The following TRHDE variants were observed in gnomAD, a reference collection of about 807,000 sequenced individuals.
The protein encoded by TRHDE is thyrotropin-releasing hormone-degrading ectoenzyme.
Under a neutral mutation model 125.7 loss-of-function variants are expected in TRHDE, and 72 were observed. The observed-to-expected ratio is 0.57, with a 90% CI of 0.47 to 0.70. The LOEUF is 0.70. Ranked by LOEUF, TRHDE falls within the 30% of genes least tolerant of loss-of-function variation. The pLI is 0.00. For synonymous variants in TRHDE, 509 were observed against 509.1 expected (o/e 1.00, Z 0.00); for missense variants, 1,110 against 1,327.1 (o/e 0.84, Z 2.54).
At chr12:72,518,939 A>C (rs1451100138) in intron 6 of TRHDE, among the ~76,000 whole-genome samples, 1 of 152,054 alleles carries the variant, frequency 6.6e-6, no homozygotes, top group Non-Finnish European at 1.5e-5. Flanking sequence ...TTCTGGGTTG[A>C]AAATTCTTTT....
intron 2 of TRHDE, among the ~76,000 whole-genome samples, chr12:72,178,133 G>A (rs562515499): frequency 6.6e-6 from 1 of 152,202 alleles, no homozygotes; most frequent in East Asian, 1.9e-4. Context: ...TGATTCAGAA[G>A]CTTTTTTGAT....
At chr12:72,659,080 G>A (rs866184987) in intron 18 of TRHDE, among the ~76,000 whole-genome samples, 1 of 152,126 alleles carries the variant, frequency 6.6e-6, no homozygotes, top group Non-Finnish European at 1.5e-5. Context: ...ATTTCCAAGG[G>A]TTTATAGATC....
At chr12:72,104,636 G>C (rs1875141508) in intron 1 of TRHDE, among the ~76,000 whole-genome samples, 1 of 152,176 alleles carries the variant, frequency 6.6e-6, no homozygotes, top group Non-Finnish European at 1.5e-5. Context: ...CTCTTCATTG[G>C]TATATGGATA....
chr12:72,430,072 G>A (rs1158725275), intron 3 of TRHDE, among the ~76,000 whole-genome samples: 1 of 151,112 alleles, frequency 6.6e-6, no homozygotes, highest in Admixed American at 6.6e-5. Context: ...TATCTAAAAA[G>A]GTTTTGCCTA....
intron 2 of TRHDE, among the ~76,000 whole-genome samples, chr12:72,374,629 T>C (rs1034070717): frequency 9.9e-5 from 15 of 152,020 alleles, no homozygotes; most frequent in Non-Finnish European, 1.6e-4. Flanking sequence ...GGCAGTGAGA[T>C]AGATAGAAAA....
intron 15 of TRHDE, among the ~76,000 whole-genome samples, chr12:72,648,730 T>G (rs1874382951): frequency 1.3e-5 from 2 of 151,972 alleles, no homozygotes; most frequent in Non-Finnish European, 2.9e-5. Context: ...GAGGATCACT[T>G]GAGGCCAAGA....
chr12:72,441,782 A>T (rs1163618184), intron 3 of TRHDE, among the ~76,000 whole-genome samples: 3 of 151,900 alleles, frequency 2.0e-5, no homozygotes, highest in African/African-American at 7.2e-5. Context: ...GATAAACAAG[A>T]TAATAAAGCA....
chr12:72,268,036 C>T (rs1485255787), upstream of TRHDE, among the ~76,000 whole-genome samples: 1 of 152,236 alleles, frequency 6.6e-6, no homozygotes, highest in East Asian at 1.9e-4. Context: ...ATAAACTTTG[C>T]AGTAATGTTA....
chr12:72,639,354 A>G (rs1462558679), intron 15 of TRHDE, among the ~76,000 whole-genome samples: 29 of 147,076 alleles, frequency 2.0e-4, no homozygotes, highest in Admixed American at 4.0e-4. Context: ...TTTCAGCTCC[A>G]TCAGCTCCTT....
intron 2 of TRHDE, among the ~76,000 whole-genome samples, chr12:72,293,226 T>G (rs4360737): frequency 0.67 from 100,960 of 151,666 alleles, 33,884 homozygotes; most frequent in East Asian, 0.83. Context: ...ATATTTGAGT[T>G]TTTTGTAGAT....
intron 12 of TRHDE, among the ~76,000 whole-genome samples, chr12:72,603,639 G>T (rs1385862831): frequency 6.6e-6 from 1 of 152,030 alleles, no homozygotes; most frequent in Non-Finnish European, 1.5e-5. Flanking sequence ...GCAGGAGAAC[G>T]GCGAGAAACG....
chr12:72,091,800 T>C (rs2139282754), intron 1 of TRHDE, among the ~76,000 whole-genome samples: 1 of 152,324 alleles, frequency 6.6e-6, no homozygotes, highest in Middle Eastern at 3.4e-3. Flanking sequence ...TAGGCACATA[T>C]GAAGCCTATT....
chr12:72,384,088 G>A (rs1328455148), intron 3 of TRHDE, among the ~76,000 whole-genome samples: 1 of 151,974 alleles, frequency 6.6e-6, no homozygotes, highest in Non-Finnish European at 1.5e-5. Flanking sequence ...TTTTAATTTA[G>A]GTGCACTATA....
At chr12:72,165,595 T>C (rs1458566149) in intron 2 of TRHDE, among the ~76,000 whole-genome samples, 2 of 152,138 alleles carry the variant, frequency 1.3e-5, no homozygotes, top group Non-Finnish European at 2.9e-5. Flanking sequence ...AGAATTTATA[T>C]ATACATGTAT....
At chr12:72,493,943 G>A (rs1877795164) in intron 5 of TRHDE, among the ~76,000 whole-genome samples, 1 of 151,972 alleles carries the variant, frequency 6.6e-6, no homozygotes, top group East Asian at 1.9e-4. Context: ...ATTTTTACAT[G>A]TAGCAAGTTG....
Position 72,473,153 on chromosome 12 carries a change from A to G in TRHDE, c.1557A>G (p.Thr519=). ...CTCACTACTTTGAATTTGTTGGTACAGACTACCTCTATCCTGGCTGGAACA... is the reference window on the plus strand; with the variant it reads ...CTCACTACTTTGAATTTGTTGGTACGGACTACCTCTATCCTGGCTGGAACA... The part of the protein sequence containing the change: ...GFAHYFEFVG[T]DYLYPGWNME... The change falls in exon 5 of 19, where the codon ACA becomes ACG. Residue 519 remains threonine (T), a synonymous_variant. Coordinates refer to ENST00000261180, the MANE Select transcript of TRHDE (RefSeq NM_013381.3). 3 of 1,613,958 alleles carry G rather than the reference A, an allele frequency of 1.9e-6. No homozygotes were observed. Among genetic ancestry groups the G allele is most frequent in the South Asian group, 2.2e-5 (2 of 91,072 alleles).
intron 6 of TRHDE, among the ~76,000 whole-genome samples, chr12:72,534,867 C>T (rs948927559): frequency 2.6e-5 from 4 of 151,824 alleles, no homozygotes; most frequent in African/African-American, 9.7e-5. Flanking sequence ...ATGATTAAAA[C>T]ATAAGTGTGT....
rs540944155 is a variant in TRHDE at position 72,640,428 on chromosome 12, C to T, written c.2676-11894C>T. ...CTGGCACTTCCTAGTGAGATGAACC[C>T]GGTACCTCAGATGGAAATGCAGAAA... is the stretch of plus-strand genomic sequence containing the variant. On this transcript the variant is annotated intron_variant, in intron 15 of 18. Coordinates refer to ENST00000261180, the MANE Select transcript of TRHDE (RefSeq NM_013381.3). Among the ~76,000 whole-genome samples the T allele has an allele frequency of 2.7e-3, 418 of 152,314 alleles. 2 individuals are homozygous for T. The highest frequency in any genetic ancestry group is 9.1e-3 in the African/African-American group (377 of 41,586).
At chr12:72,311,681 T>G (rs1868549045) in intron 2 of TRHDE, among the ~76,000 whole-genome samples, 1 of 152,200 alleles carries the variant, frequency 6.6e-6, no homozygotes. Context: ...TTAATCCTGT[T>G]TTGTCCATTA....
Sources: allele counts gnomAD v4.1 joint callset (sites outside exome capture counted in the v4.1 genomes callset), GRCh38; gene constraint gnomAD v4.1.1; transcripts MANE v1.5; gene names NCBI Gene and HGNC (gene_info 2026-07-23, HGNC 2026-07-21).